Variants in PIK3AP1 observed in about 807,000 individuals in gnomAD.
PIK3AP1 encodes phosphoinositide 3-kinase adapter protein 1.
In PIK3AP1, 21 loss-of-function variants were observed where a neutral mutation model predicts 88.1. The ratio of observed to expected loss-of-function variants is 0.24; its 90% CI spans 0.17 to 0.34. The LOEUF is 0.34. PIK3AP1 is among the 10% of genes least tolerant of loss of function. PIK3AP1 has a pLI of 1.00. For synonymous variants in PIK3AP1, 398 were observed against 400.0 expected, an observed-to-expected ratio of 1.00 and a Z score of 0.06; for missense variants, 828 against 1,035.7, an observed-to-expected ratio of 0.80 and a Z score of 2.75.
chr10:96,665,253 C>A (rs914936854), intron 2 of PIK3AP1, among the ~76,000 whole-genome samples: 1 of 152,202 alleles, frequency 6.6e-6, no homozygotes, highest in South Asian at 2.1e-4. Context: ...AAAGTGTCAT[C>A]TATAAAGGAT....
chr10:96,698,559 A>AAAACT (rs910020725), intron 2 of PIK3AP1, among the ~76,000 whole-genome samples: 54 of 151,544 alleles, frequency 3.6e-4, no homozygotes, highest in African/African-American at 8.3e-4. Flanking sequence ...AACTAAACTA[A>AAAACT]AAACTAAACT....
In PIK3AP1 at chr10:96,639,459, C is replaced by A. The variant is rs547008242; in HGVS notation, c.1375+6014G>T. Among the ~76,000 whole-genome samples the A allele has an allele frequency of 3.3e-5, 5 of 152,290 alleles. No individual in the cohort carries two copies. In the South Asian group the frequency reaches 1.0e-3, roughly 32 times the overall value. ...GTGCAGTGTCCCAAGGTAAGCGTGACCTGCAAGCTGTGCAGGTTCAGAGGG... is the reference window on the plus strand; with the variant it reads ...GTGCAGTGTCCCAAGGTAAGCGTGAACTGCAAGCTGTGCAGGTTCAGAGGG... On this transcript the variant is annotated intron_variant, in intron 8 of 16. Transcript: ENST00000339364.
At chr10:96,693,675 A>T (rs1844184976) in intron 2 of PIK3AP1, among the ~76,000 whole-genome samples, 1 of 152,134 alleles carries the variant, frequency 6.6e-6, no homozygotes, top group South Asian at 2.1e-4. Flanking sequence ...TACATATGCT[A>T]CTCTTAAAAT....
chr10:96,612,970 ATATATATATATATTTTTTTTTTT>A (rs1849144307), intron 13 of PIK3AP1, among the ~76,000 whole-genome samples: 8 of 107,186 alleles, frequency 7.5e-5, no homozygotes, highest in African/African-American at 1.8e-4. Context: ...ATATATATAT[ATATATATATATATTTTTTTTTTT>A]TTTTTTTTTT....
chr10:96,607,312 G>A (rs776558285), intron 14 of PIK3AP1, among the ~76,000 whole-genome samples: 1 of 152,122 alleles, frequency 6.6e-6, no homozygotes, highest in Non-Finnish European at 1.5e-5. Flanking sequence ...AAGAGACTTG[G>A]GGCAAGTTGC....
At chr10:96,602,530 A>G (rs879021589) in intron 15 of PIK3AP1, 132 bp from the exon 16 acceptor site, 2 of 658,142 alleles carry the variant, frequency 3.0e-6, no homozygotes, top group African/African-American at 3.7e-5. Context: ...TTGATAATCA[A>G]CCCAGCCATA....
In PIK3AP1 at chr10:96,651,350, T is replaced by C; in HGVS notation, c.886A>G (p.Thr296Ala). 6.2e-7 allele frequency: 1 copy of C among 1,614,150 alleles called. No homozygotes were observed. The highest frequency in any genetic ancestry group is 8.5e-7 in the Non-Finnish European group (1 of 1,180,014). ...AFKIVPYNTETLDKLLTESLK... is the reference protein window; with the variant it reads ...AFKIVPYNTEALDKLLTESLK... ...GATTCGGTTAGCAGTTTATCAAGGG[T>C]CTCTGTGTTGTAGGGCACAATTTTA... Residue 296 changes from threonine to alanine, a missense_variant, in exon 6 of 17, where the codon ACC becomes GCC. Around this residue, in one of 3 missense-constraint regions of PIK3AP1, gnomAD observed 610 missense variants for 760.1 expected, o/e 0.80. Coordinates refer to ENST00000339364, the MANE Select transcript of PIK3AP1 (RefSeq NM_152309.3).
At chr10:96,713,245 C>G (rs926793417) in intron 1 of PIK3AP1, among the ~76,000 whole-genome samples, 2 of 151,944 alleles carry the variant, frequency 1.3e-5, no homozygotes, top group Non-Finnish European at 2.9e-5. Context: ...CACCTGTAAT[C>G]CCAGCACTTT....
chr10:96,685,969 C>T (rs980058586), intron 2 of PIK3AP1, among the ~76,000 whole-genome samples: 2 of 152,142 alleles, frequency 1.3e-5, no homozygotes, highest in African/African-American at 2.4e-5. Flanking sequence ...CCCTCTGCCA[C>T]GTCCCATATA....
At chr10:96,640,542 C>T (rs1437194196) in intron 8 of PIK3AP1, among the ~76,000 whole-genome samples, 1 of 152,232 alleles carries the variant, frequency 6.6e-6, no homozygotes, top group Non-Finnish European at 1.5e-5. Flanking sequence ...ATAGTGAAAA[C>T]ACCCACGGAC....
chr10:96,644,064 G>C (rs1440309899), intron 8 of PIK3AP1, among the ~76,000 whole-genome samples: 1 of 152,166 alleles, frequency 6.6e-6, no homozygotes, highest in Non-Finnish European at 1.5e-5. Context: ...ACTCCAGTAC[G>C]TGCGTGGAGA....
chr10:96,607,221 C>A (rs1849017518), intron 14 of PIK3AP1, among the ~76,000 whole-genome samples: 1 of 152,128 alleles, frequency 6.6e-6, no homozygotes, highest in Non-Finnish European at 1.5e-5. Flanking sequence ...GGAATTATTT[C>A]TATTTGGAAG....
chr10:96,697,540 T>C (rs553253257), intron 2 of PIK3AP1, among the ~76,000 whole-genome samples: 4 of 152,142 alleles, frequency 2.6e-5, no homozygotes, highest in Non-Finnish European at 4.4e-5. Context: ...CTGGGCAACA[T>C]AGTGAGATCC....
chr10:96,679,613 G>A (rs913464396), intron 2 of PIK3AP1, among the ~76,000 whole-genome samples: 1 of 152,120 alleles, frequency 6.6e-6, no homozygotes, highest in Non-Finnish European at 1.5e-5. Flanking sequence ...TAGTTCTGCT[G>A]CAAGCAAGAG....
In PIK3AP1 at chr10:96,650,544, C is replaced by T. The variant is rs79440240; in HGVS notation, c.988+704G>A. 6.4e-3 allele frequency among the ~76,000 whole-genome samples: 978 copies of T among 152,314 alleles called. 8 individuals carry two copies. Among genetic ancestry groups the T allele is most frequent in the African/African-American group, 0.023 (937 of 41,570 alleles). On this transcript the variant is annotated intron_variant, in intron 6 of 16. Transcript: ENST00000339364. ...AGGAGCAGTTCCAGCCCTCACTGAG[C>T]GGACAGCCTAGCAAAGAAGACAGAC...
In PIK3AP1 at chr10:96,681,286, C is replaced by T. The variant is rs555219777; in HGVS notation, c.431-24352G>A. Among the ~76,000 whole-genome samples the T allele has an allele frequency of 5.9e-5, 9 of 152,300 alleles. No individual in the cohort carries two copies. The South Asian group carries it at 1.7e-3, about 28-fold the overall frequency. ...TTTACCTTAATTACCTTTTTAAAAA[C>T]TCTATCTCCAAATCCAGTCGGGTTC... On this transcript the variant is annotated intron_variant, in intron 2 of 16. Transcript: ENST00000339364.
At chr10:96,710,325 G>A (rs1589551344) in intron 1 of PIK3AP1, among the ~76,000 whole-genome samples, 3 of 152,062 alleles carry the variant, frequency 2.0e-5, no homozygotes, top group Non-Finnish European at 2.9e-5. Context: ...GGGTTCAAGC[G>A]ATTCTCCTGC....
chr10:96,648,934 C>A, intron 6 of PIK3AP1, 79 bp from the exon 7 acceptor site: 1 of 1,258,620 alleles, frequency 7.9e-7, no homozygotes, highest in Non-Finnish European at 1.1e-6. Context: ...GATGAAGCTG[C>A]CAAGACTAGC....
At chr10:96,716,474 T>C (rs1019711342) in intron 1 of PIK3AP1, among the ~76,000 whole-genome samples, 3 of 152,154 alleles carry the variant, frequency 2.0e-5, no homozygotes, top group Non-Finnish European at 4.4e-5. Flanking sequence ...CTAGGCAAAT[T>C]TGCCTTGATG....
Sources: gnomAD v4.1 joint callset for allele counts (sites outside exome capture counted in the v4.1 genomes callset) on GRCh38, gnomAD v4.1.1 for gene constraint, gnomAD v4.1.1 regional missense constraint, MANE v1.5 for transcripts, NCBI Gene and HGNC (gene_info 2026-07-23, HGNC 2026-07-21) for gene names.